ASH1L: variants seen among roughly 807,000 people sequenced by gnomAD.
ASH1L encodes the protein ASH1 like histone lysine methyltransferase, also known as histone-lysine N-methyltransferase ASH1L.
In ASH1L, 23 loss-of-function variants were observed where a neutral mutation model predicts 269.0. The ratio of observed to expected loss-of-function variants is 0.09; its 90% confidence interval spans 0.06 to 0.12. The LOEUF (loss-of-function observed/expected upper bound fraction) is 0.12, where lower values mean the gene tolerates loss of function less well. Ranked by LOEUF, ASH1L falls within the 10% of genes least tolerant of loss-of-function variation. ASH1L has a pLI of 1.00. For missense variants in ASH1L, 2,912 were observed against 3,567.8 expected (o/e 0.82, Z 4.68); for synonymous variants, 1,187 against 1,253.5 (o/e 0.95, Z 1.12).
rs757835827 is a variant in ASH1L, at chr1:155,433,220, C to A, written c.5828+5107G>T. On this transcript the variant is annotated intron_variant, in intron 5 of 27. Transcript: ENST00000392403. The stretch of plus-strand genomic sequence containing the variant: ...GCTTCGGATGCCTGCCTTCTTGCCC[C>A]CTCCAGGCGGTGGAGGTGATGGGCC... 21 of 1,549,598 alleles carry A rather than the reference C, an allele frequency of 1.4e-5. 1 individual carries two copies. In the South Asian group the frequency reaches 1.4e-4, roughly 11 times the overall value.
chr1:155,470,469 A>C (rs1665012486), intron 3 of ASH1L, among the ~76,000 whole-genome samples: 2 of 151,866 alleles, frequency 1.3e-5, no homozygotes, highest in Admixed American at 6.6e-5. Flanking sequence ...AAAACAAAAA[A>C]CAAAAAAAAA....
At chr1:155,414,900 G>A (rs989449912) in intron 6 of ASH1L, among the ~76,000 whole-genome samples, 1 of 152,088 alleles carries the variant, frequency 6.6e-6, no homozygotes, top group Admixed American at 6.6e-5. Flanking sequence ...CTCAATTAGA[G>A]TGCTTATTAA....
At chr1:155,363,966 C>G (rs1450315390) in intron 12 of ASH1L, among the ~76,000 whole-genome samples, 1 of 151,014 alleles carries the variant, frequency 6.6e-6, no homozygotes, top group East Asian at 2.0e-4. Flanking sequence ...GAGCAAGACT[C>G]TGTCTCAAAA....
chr1:155,478,303 C>T lies in ASH1L; in HGVS notation c.4567G>A (p.Ala1523Thr). 6.2e-7 allele frequency: 1 copy of T among 1,614,158 alleles called. No homozygotes were observed. Among genetic ancestry groups the T allele is most frequent in the Non-Finnish European group, 8.5e-7 (1 of 1,180,024 alleles). Residue 1523 changes from alanine to threonine, a missense_variant, in exon 3 of 28, where the codon GCT (alanine) becomes ACT (threonine). By Grantham distance (58) the Ala-to-Thr change is moderately conservative (BLOSUM62 0). Transcript: ENST00000392403. The surrounding 1 kb of genome is among the most constrained non-coding windows in gnomAD (Gnocchi z 4.6). ...SLKRYRFGKD[A>T]VGERYKHKEK... ...TTATGCTTATATCGCTCTCCAACAG[C>T]ATCCTTTCCAAATCTATAGCGCTTC...
At chr1:155,552,958 C>T (rs893595961) in intron 1 of ASH1L, among the ~76,000 whole-genome samples, 2 of 152,138 alleles carry the variant, frequency 1.3e-5, no homozygotes, top group South Asian at 2.1e-4. Flanking sequence ...CATATCATCT[C>T]GTAGAATCCG....
intron 3 of ASH1L, among the ~76,000 whole-genome samples, chr1:155,476,628 TG>T (rs1319479675): frequency 6.6e-6 from 1 of 151,054 alleles, no homozygotes; most frequent in Non-Finnish European, 1.5e-5. Flanking sequence ...CTCGGCTCAC[TG>T]CAAGCTCCAC....
chr1:155,514,111 A>T (rs1353686111), intron 2 of ASH1L, among the ~76,000 whole-genome samples: 1 of 152,206 alleles, frequency 6.6e-6, no homozygotes, highest in African/African-American at 2.4e-5. Context: ...CAAAGACAGA[A>T]AGTAGAATAG....
rs757651279 is a variant in ASH1L, at chr1:155,480,459, A to G, written c.2411T>C (p.Phe804Ser). 2 of 1,614,078 alleles carry G rather than the reference A, an allele frequency of 1.2e-6. No individual in the cohort carries two copies. The highest frequency in any genetic ancestry group is 1.7e-5 in the Admixed American group (1 of 60,008). ...ACTGGAGGATAGTTTGTGAGTAGCA[A>G]AAGACTTATGAGATGGTTTTTCACT... The part of the protein sequence containing the change: ...ADSEKPSHKS[F>S]ATHKLSSSMC... The change falls in exon 3 of 28, where the codon TTT (phenylalanine) becomes TCT (serine). Residue 804 changes from phenylalanine to serine, a missense_variant. By Grantham distance (155) the Phe-to-Ser change is radical. Transcript: ENST00000392403.
intron 13 of ASH1L, chr1:155,358,961 TA>T (rs1285056167): frequency 1.3e-5 from 2 of 150,958 alleles, no homozygotes; most frequent in African/African-American, 2.4e-5. Flanking sequence ...ACAAAAAATT[TA>T]AAAAAAAATT....
intron 7 of ASH1L, among the ~76,000 whole-genome samples, chr1:155,395,123 G>C (rs1345353929): frequency 6.6e-6 from 1 of 151,988 alleles, no homozygotes. Flanking sequence ...TTTTTGTAGA[G>C]ACAGGGTGTC....
intron 2 of ASH1L, among the ~76,000 whole-genome samples, chr1:155,497,534 G>T (rs1460987138): frequency 2.0e-5 from 3 of 152,118 alleles, no homozygotes; most frequent in African/African-American, 7.2e-5. Context: ...TAAGAATATA[G>T]TACATAATAC....
At chr1:155,446,025 C>T (rs1270894507) in intron 4 of ASH1L, among the ~76,000 whole-genome samples, 1 of 148,750 alleles carries the variant, frequency 6.7e-6, no homozygotes, top group African/African-American at 2.5e-5. Context: ...ACCACTGGGC[C>T]TACACTGTAC....
chr1:155,410,167 C>T (rs939426967), intron 6 of ASH1L, among the ~76,000 whole-genome samples: 3 of 152,010 alleles, frequency 2.0e-5, no homozygotes, highest in Admixed American at 6.6e-5. Context: ...CGCTTTGTCA[C>T]TTAGGCTGGA....
chr1:155,499,965 C>A (rs1432102218), intron 2 of ASH1L, among the ~76,000 whole-genome samples: 1 of 152,152 alleles, frequency 6.6e-6, no homozygotes, highest in Non-Finnish European at 1.5e-5. Flanking sequence ...TGAAAGTGAA[C>A]TCTTCAATCA....
At chr1:155,433,904 A>G (rs1318120724) in intron 5 of ASH1L, 4 of 1,596,818 alleles carry the variant, frequency 2.5e-6, no homozygotes, top group Non-Finnish European at 2.6e-6. Flanking sequence ...GAACCGAGTG[A>G]GAGGCAACCT....
chr1:155,431,290 T>A (rs953494000), intron 5 of ASH1L, among the ~76,000 whole-genome samples: 4 of 151,654 alleles, frequency 2.6e-5, no homozygotes, highest in African/African-American at 9.7e-5. Context: ...AGTCTTGCTA[T>A]AATATATATG....
At chr1:155,414,460 C>G (rs569077503) in intron 6 of ASH1L, among the ~76,000 whole-genome samples, 1 of 152,096 alleles carries the variant, frequency 6.6e-6, no homozygotes, top group African/African-American at 2.4e-5. Context: ...CAGGCATGTG[C>G]CACCACACTC....
At position 155,525,487 on chromosome 1, in the gene ASH1L, A is replaced by G. The variant is rs189646036; in HGVS notation, c.-99-3869T>C. 1.5e-3 allele frequency among the ~76,000 whole-genome samples: 222 copies of G among 151,630 alleles called. 2 individuals carry two copies. The highest frequency in any genetic ancestry group is 7.7e-4 in the Non-Finnish European group (52 of 67,912). The stretch of plus-strand genomic sequence containing the variant: ...CTTGATTAAGTTAGTAAAGGATGCT[A>G]CTACTCCCAAACACCACTGTGCCAG... On this transcript the variant is annotated intron_variant, in intron 1 of 27. Transcript: ENST00000392403.
intron 15 of ASH1L, among the ~76,000 whole-genome samples, chr1:155,357,078 T>TAC (rs61213200): frequency 0.44 from 23,084 of 52,900 alleles, 5,776 homozygotes; most frequent in Non-Finnish European, 0.56. Context: ...ATCCCAGCTC[T>TAC]ACACACACAC....
Sources: gnomAD v4.1 joint callset for allele counts (sites outside exome capture counted in the v4.1 genomes callset) on GRCh38, gnomAD v4.1.1 for gene constraint, Gnocchi (gnomAD v3.1) non-coding constraint, MANE v1.5 for transcripts, NCBI Gene and HGNC (gene_info 2026-07-23, HGNC 2026-07-21) for gene names.